Variants in TANGO6 observed in about 807,000 individuals in gnomAD.
The protein encoded by TANGO6 is transport and Golgi organization protein 6 homolog.
Under a neutral mutation model 114.2 loss-of-function variants are expected in TANGO6, and 90 were observed. That is an observed-to-expected ratio of 0.79 (90% CI 0.66 to 0.94). The LOEUF (loss-of-function observed/expected upper bound fraction) is 0.94. TANGO6 is among the 40% of genes least tolerant of loss of function. TANGO6 has a pLI of 0.00. For synonymous variants in TANGO6, 477 were observed against 509.8 expected (o/e 0.94, Z 0.87); for missense variants, 1,274 against 1,315.3 (o/e 0.97, Z 0.49).
At chr16:68,873,677 C>T (rs916330177) in intron 4 of TANGO6, among the ~76,000 whole-genome samples, 12 of 152,172 alleles carry the variant, frequency 7.9e-5, no homozygotes, top group African/African-American at 2.9e-4. Flanking sequence ...CTTTTTATGA[C>T]TGAATAATAA....
rs190640481 is a variant in TANGO6 at position 69,037,214 on chromosome 16, C to T, written c.2995-3094C>T. On this transcript the variant is annotated intron_variant, in intron 16 of 17. Coordinates refer to ENST00000261778, the MANE Select transcript of TANGO6 (RefSeq NM_024562.2). ...GCAGGATGCTTCTGCCTGGACATCC[C>T]AGCTGTGGGATTAATGCACAAATGC... Among the ~76,000 whole-genome samples the T allele has an allele frequency of 2.0e-5, 3 of 151,966 alleles. No homozygotes were observed. In the East Asian group the frequency reaches 5.8e-4, roughly 29 times the overall value.
chr16:68,892,265 G>A (rs1962633091), intron 7 of TANGO6, among the ~76,000 whole-genome samples: 2 of 152,170 alleles, frequency 1.3e-5, no homozygotes, highest in Non-Finnish European at 2.9e-5. Context: ...TCTAAGCTTA[G>A]ATGAAGAATT....
At chr16:69,058,964 A>G (rs1165068473) in intron 17 of TANGO6, among the ~76,000 whole-genome samples, 2 of 149,998 alleles carry the variant, frequency 1.3e-5, no homozygotes, top group Non-Finnish European at 3.0e-5. Context: ...CTGGAATACA[A>G]TGCTGCGATC....
chr16:68,956,986 T>C (rs1963536068), intron 14 of TANGO6, among the ~76,000 whole-genome samples: 1 of 152,224 alleles, frequency 6.6e-6, no homozygotes, highest in African/African-American at 2.4e-5. Context: ...AAAATGTTTC[T>C]ATACCTGTAG....
chr16:68,848,012 A>G (rs1326349504), intron 1 of TANGO6, among the ~76,000 whole-genome samples: 1 of 151,840 alleles, frequency 6.6e-6, no homozygotes, highest in Admixed American at 6.6e-5. Flanking sequence ...AAAAAAAAAA[A>G]AAAAAAACTA....
At chr16:68,921,530 TTTTTGTTTTG>T (rs993824435) in intron 12 of TANGO6, among the ~76,000 whole-genome samples, 1 of 151,860 alleles carries the variant, frequency 6.6e-6, no homozygotes, top group Non-Finnish European at 1.5e-5. Context: ...GCCAAATAGA[TTTTTGTTTTG>T]TTTTGTTTTG....
At chr16:68,915,010 G>A (rs944066598) in intron 11 of TANGO6, among the ~76,000 whole-genome samples, 2 of 147,858 alleles carry the variant, frequency 1.4e-5, no homozygotes, top group African/African-American at 5.1e-5. Context: ...CATATAGATA[G>A]TGGAGGATGG....
intron 14 of TANGO6, among the ~76,000 whole-genome samples, chr16:68,959,838 G>A (rs1287023597): frequency 6.6e-6 from 1 of 152,206 alleles, no homozygotes; most frequent in Non-Finnish European, 1.5e-5. Context: ...AAGTCAGTCA[G>A]CTCTGCTGAT....
At chr16:68,866,730 A>T (rs527871387) in intron 3 of TANGO6, among the ~76,000 whole-genome samples, 1 of 152,168 alleles carries the variant, frequency 6.6e-6, no homozygotes, top group East Asian at 1.9e-4. Flanking sequence ...TGAGGTCAGG[A>T]GTTCGAGACC....
At chr16:68,859,187 T>C (rs1440771771) in intron 1 of TANGO6, among the ~76,000 whole-genome samples, 2 of 152,142 alleles carry the variant, frequency 1.3e-5, no homozygotes, top group East Asian at 3.9e-4. Context: ...TTTTTTGTTT[T>C]TGAGACTGGG....
At chr16:69,081,987 T>C (rs1960472163) in intron 17 of TANGO6, among the ~76,000 whole-genome samples, 1 of 151,518 alleles carries the variant, frequency 6.6e-6, no homozygotes, top group Admixed American at 6.6e-5. Context: ...CGTGTGCCAC[T>C]TTTTTAAGAT....
intron 16 of TANGO6, among the ~76,000 whole-genome samples, chr16:69,039,349 G>C (rs2152233981): frequency 7.1e-6 from 1 of 140,902 alleles, no homozygotes; most frequent in Admixed American, 7.2e-5. Flanking sequence ...AAAAAAGTGA[G>C]CACAGGCTGG....
chr16:69,047,180 C>CAA lies in TANGO6; in HGVS notation c.3108+6775_3108+6776dup, dbSNP rs11435479. Among the ~76,000 whole-genome samples, 662 of 104,530 alleles carry CAA rather than the reference C, an allele frequency of 6.3e-3. 12 individuals carry two copies. Among genetic ancestry groups the CAA allele is most frequent in the Admixed American group, 0.04 (400 of 10,086 alleles). 68.6% of individuals were successfully genotyped at this position (104,530 alleles called of 152,430 possible). ...TGGGCAACAGAGTGAGACTCTGTCT[C>CAA]AAAAAAAAAAAAAAAAAGAGTGATT... is the stretch of plus-strand genomic sequence containing the variant. On this transcript the variant is annotated intron_variant, in intron 17 of 17. Transcript: ENST00000261778.
chr16:68,924,656 G>A (rs749730160), intron 12 of TANGO6, among the ~76,000 whole-genome samples: 2 of 151,234 alleles, frequency 1.3e-5, no homozygotes, highest in African/African-American at 2.4e-5. Flanking sequence ...CGGGTATGGT[G>A]GCGGGCACCT....
intron 3 of TANGO6, among the ~76,000 whole-genome samples, chr16:68,865,831 T>G (rs1490145476): frequency 6.7e-6 from 1 of 150,320 alleles, no homozygotes; most frequent in Non-Finnish European, 1.5e-5. Flanking sequence ...GGCAGGAGAA[T>G]GGCGTGAACC....
chr16:68,965,514 A>C (rs1459377683), intron 14 of TANGO6, among the ~76,000 whole-genome samples: 6 of 152,168 alleles, frequency 3.9e-5, no homozygotes, highest in Non-Finnish European at 8.8e-5. Flanking sequence ...TTCTATTTTA[A>C]AAACCTGCCA....
intron 17 of TANGO6, among the ~76,000 whole-genome samples, chr16:69,052,680 G>A (rs1224363220): frequency 3.3e-5 from 5 of 152,092 alleles, no homozygotes; most frequent in African/African-American, 1.2e-4. Context: ...CAGTCCAGTG[G>A]CTTTGGCTTC....
chr16:69,017,772 C>G (rs1034111973), intron 15 of TANGO6, among the ~76,000 whole-genome samples: 1 of 152,140 alleles, frequency 6.6e-6, no homozygotes, highest in Non-Finnish European at 1.5e-5. Flanking sequence ...AGGGCCAACC[C>G]TAGAACACAG....
chr16:68,909,447 A>C, intron 11 of TANGO6, 45 bp downstream of exon 11: 1 of 1,429,708 alleles, frequency 7.0e-7, no homozygotes, highest in Non-Finnish European at 9.2e-7. Flanking sequence ...TTTTCTTTCC[A>C]AAAAATAAAG....
Sources: gnomAD v4.1 joint callset for allele counts (sites outside exome capture counted in the v4.1 genomes callset) on GRCh38, gnomAD v4.1.1 for gene constraint, MANE v1.5 for transcripts, NCBI Gene and HGNC (gene_info 2026-07-23, HGNC 2026-07-21) for gene names.